Variants in GMDS observed in about 807,000 individuals in gnomAD.
GMDS encodes GDP-mannose 4,6 dehydratase.
A neutral mutation model predicts 49.9 loss-of-function variants in GMDS; 20 were observed. The observed-to-expected ratio is 0.40, with a 90% CI of 0.28 to 0.58. The LOEUF (loss-of-function observed/expected upper bound fraction) is 0.58, where lower values mean the gene tolerates loss of function less well. GMDS is among the 20% of genes least tolerant of loss of function. GMDS has a pLI of 0.42. For missense variants in GMDS, 362 were observed against 481.4 expected (o/e 0.75, Z 2.32); for synonymous variants, 177 against 178.6 (o/e 0.99, Z 0.07).
chr6:1,709,212 C>T (rs1765854830), intron 9 of GMDS, among the ~76,000 whole-genome samples: 1 of 152,222 alleles, frequency 6.6e-6, no homozygotes. Flanking sequence ...GAGTGCCAGC[C>T]ACCCTTGTAG....
At chr6:2,185,602 G>A (rs1454819118) in intron 1 of GMDS, among the ~76,000 whole-genome samples, 1 of 152,174 alleles carries the variant, frequency 6.6e-6, no homozygotes. Flanking sequence ...GTGTACCAAG[G>A]CTGCCCTGTG....
intron 7 of GMDS, among the ~76,000 whole-genome samples, chr6:1,880,887 A>G (rs1482102634): frequency 6.6e-6 from 1 of 152,210 alleles, no homozygotes; most frequent in Non-Finnish European, 1.5e-5. Flanking sequence ...ACTGAAATGA[A>G]TATCACTACT....
intron 1 of GMDS, among the ~76,000 whole-genome samples, chr6:2,221,651 G>A (rs1302620826): frequency 6.6e-6 from 1 of 152,174 alleles, no homozygotes; most frequent in Non-Finnish European, 1.5e-5. Context: ...GCCTCCCAAA[G>A]TGCTGGGATT....
At chr6:1,856,187 A>C (rs1757930475) in intron 7 of GMDS, among the ~76,000 whole-genome samples, 1 of 152,236 alleles carries the variant, frequency 6.6e-6, no homozygotes, top group Non-Finnish European at 1.5e-5. Flanking sequence ...GATGGTGATA[A>C]TGCTGGTGTA....
intron 4 of GMDS, among the ~76,000 whole-genome samples, chr6:2,054,287 G>C (rs1770655233): frequency 6.6e-6 from 1 of 151,978 alleles, no homozygotes; most frequent in African/African-American, 2.4e-5. Flanking sequence ...CCCACATATA[G>C]TAACTATAAA....
intron 1 of GMDS, among the ~76,000 whole-genome samples, chr6:2,176,750 A>G (rs1778301730): frequency 6.6e-6 from 1 of 152,136 alleles, no homozygotes; most frequent in Non-Finnish European, 1.5e-5. Context: ...TAAAGTGGGA[A>G]TTGGCCCAGA....
intron 1 of GMDS, among the ~76,000 whole-genome samples, chr6:2,132,246 T>C (rs1775777684): frequency 6.6e-6 from 1 of 152,158 alleles, no homozygotes; most frequent in South Asian, 2.1e-4. Flanking sequence ...TGGATCCTAT[T>C]AGAATGGAAA....
chr6:1,727,486 C>T (rs1766638816), intron 8 of GMDS, among the ~76,000 whole-genome samples: 1 of 151,952 alleles, frequency 6.6e-6, no homozygotes, highest in South Asian at 2.1e-4. Context: ...TACTGTTTAT[C>T]CTTAGAACTG....
At chr6:1,846,564 A>T (rs968813400) in intron 7 of GMDS, among the ~76,000 whole-genome samples, 3 of 152,272 alleles carry the variant, frequency 2.0e-5, no homozygotes, top group African/African-American at 7.2e-5. Context: ...TGGCAGGGAC[A>T]GGGAAACGAT....
chr6:1,946,158 A>C (rs887101826), intron 6 of GMDS, among the ~76,000 whole-genome samples: 8 of 152,212 alleles, frequency 5.3e-5, no homozygotes, highest in Admixed American at 3.3e-4. Flanking sequence ...CAAAAAGTCA[A>C]ACAGGAAGAA....
intron 1 of GMDS, among the ~76,000 whole-genome samples, chr6:2,138,569 C>T (rs9503106): frequency 1.3e-5 from 2 of 151,990 alleles, no homozygotes; most frequent in South Asian, 4.2e-4. Flanking sequence ...GTTGAAGGTG[C>T]GGTCTAGTGG....
At chr6:1,948,592 G>A (rs1445216418) in intron 6 of GMDS, among the ~76,000 whole-genome samples, 4 of 152,098 alleles carry the variant, frequency 2.6e-5, no homozygotes, top group African/African-American at 4.8e-5. Context: ...AGGAGTCCGA[G>A]GCTGCAGTGA....
intron 1 of GMDS, among the ~76,000 whole-genome samples, chr6:2,205,570 C>G (rs1056941186): frequency 9.2e-5 from 14 of 152,210 alleles, no homozygotes; most frequent in Non-Finnish European, 1.3e-4. Flanking sequence ...CCATTTGTTT[C>G]CGATTCCAAT....
rs143207925 is a variant in GMDS, at chr6:2,016,972, T to A, written c.346-56006A>T. ...GAGCAGAAAGATCTAAAACACATAATCTAAATTTCATCTTGAGAAGCTAAA... is the reference window on the plus strand; with the variant it reads ...GAGCAGAAAGATCTAAAACACATAAACTAAATTTCATCTTGAGAAGCTAAA... On this transcript the variant is annotated intron_variant, in intron 4 of 10. Transcript: ENST00000380815. Among the ~76,000 whole-genome samples the A allele has an allele frequency of 2.2e-4, 33 of 151,830 alleles. No homozygotes were observed. The East Asian group carries it at 5.0e-3, about 23-fold the overall frequency.
intron 8 of GMDS, among the ~76,000 whole-genome samples, chr6:1,726,866 T>A (rs1766610251): frequency 6.6e-6 from 1 of 151,732 alleles, no homozygotes; most frequent in Non-Finnish European, 1.5e-5. Context: ...TATTATTAAT[T>A]AATAAATTAT....
At chr6:1,758,747 C>T (rs1160003719) in intron 7 of GMDS, among the ~76,000 whole-genome samples, 7 of 152,292 alleles carry the variant, frequency 4.6e-5, no homozygotes, top group Non-Finnish European at 8.8e-5. Context: ...CAGAAACCCG[C>T]GTCTAAGCTC....
intron 7 of GMDS, among the ~76,000 whole-genome samples, chr6:1,809,389 A>G (rs1258304377): frequency 6.6e-6 from 1 of 152,172 alleles, no homozygotes; most frequent in Admixed American, 6.6e-5. Context: ...TACCAGTAAG[A>G]GTTTTATTTG....
Position 2,044,147 on chromosome 6 carries a change from A to C in GMDS, c.345+71624T>G, listed in dbSNP as rs538424083. On this transcript the variant is annotated intron_variant, in intron 4 of 10. Coordinates refer to ENST00000380815, the MANE Select transcript of GMDS (RefSeq NM_001500.4). ...AAATTGTTCAAACACTGTGAAAAGC[A>C]GTATGGCAATTCCTCAAAGAACTAA... Among the ~76,000 whole-genome samples the C allele has an allele frequency of 2.4e-4, 37 of 152,372 alleles. 1 individual carries two copies. The South Asian group carries it at 7.5e-3, about 31-fold the overall frequency.
intron 7 of GMDS, among the ~76,000 whole-genome samples, chr6:1,871,087 C>CAT (rs397769442): frequency 6.0e-5 from 9 of 150,980 alleles, no homozygotes; most frequent in Admixed American, 5.9e-4. Flanking sequence ...CACACACACA[C>CAT]TTAAACCACT....
Sources: allele counts gnomAD v4.1 joint callset (sites outside exome capture counted in the v4.1 genomes callset), GRCh38; gene constraint gnomAD v4.1.1; transcripts MANE v1.5; gene names NCBI Gene and HGNC (gene_info 2026-07-23, HGNC 2026-07-21).